Variants in B4GALNT3 observed in about 807,000 individuals in gnomAD.
B4GALNT3 encodes the protein beta-1,4-N-acetylgalactosaminyltransferase 3.
B4GALNT3 carries 86 observed loss-of-function variants against 120.2 expected under a neutral mutation model. That is an observed-to-expected ratio of 0.72 (90% CI 0.60 to 0.86). The LOEUF (loss-of-function observed/expected upper bound fraction) is 0.86. Ranked by LOEUF, B4GALNT3 falls within the 40% of genes least tolerant of loss-of-function variation. The pLI is 0.00. For synonymous variants in B4GALNT3, 518 were observed against 510.4 expected, an observed-to-expected ratio of 1.01 and a Z score of -0.20; for missense variants, 1,167 against 1,298.9, an observed-to-expected ratio of 0.90 and a Z score of 1.56.
Position 508,027 on chromosome 12 carries a change from C to A in B4GALNT3, c.170-27139C>A, listed in dbSNP as rs910024273. 7.2e-5 allele frequency among the ~76,000 whole-genome samples: 11 copies of A among 152,226 alleles called. No homozygotes were observed. The East Asian group carries it at 1.5e-3, about 21-fold the overall frequency. On this transcript the variant is annotated intron_variant, in intron 1 of 19. Transcript: ENST00000266383. ...TGCTTGAGTAGAGCGTTGATACTAACCTGTGAAAGAAATTTCTCATGATCA... is the reference window on the plus strand; with the variant it reads ...TGCTTGAGTAGAGCGTTGATACTAAACTGTGAAAGAAATTTCTCATGATCA...
intron 9 of B4GALNT3, 49 bp from the exon 10 acceptor site, chr12:549,720 T>C (rs2120713853): frequency 6.2e-7 from 1 of 1,611,314 alleles, no homozygotes; most frequent in East Asian, 2.2e-5. Flanking sequence ...AGTGGGCTGC[T>C]GCGCTCCAGG....
Position 536,305 on chromosome 12 carries a change from T to C in B4GALNT3, c.351+10T>C. On this transcript the variant is annotated intron_variant, in intron 3 of 19. Coordinates refer to ENST00000266383, the MANE Select transcript of B4GALNT3 (RefSeq NM_173593.4). Reference sequence around the variant, plus strand: ...CCCCTGGCTCTCAGAGGTGAGGGACTTTCTATTGTACCTGCCCTTTGAGAG... The same window carrying C: ...CCCCTGGCTCTCAGAGGTGAGGGACCTTCTATTGTACCTGCCCTTTGAGAG... 1 of 1,601,290 alleles carries C rather than the reference T, an allele frequency of 6.2e-7. No individual in the cohort carries two copies. Among genetic ancestry groups the C allele is most frequent in the Non-Finnish European group, 8.6e-7 (1 of 1,168,322 alleles).
At chr12:512,781 TCCTTCCACCTTCCG>T (rs1479390179) in intron 1 of B4GALNT3, among the ~76,000 whole-genome samples, 2 of 126,922 alleles carry the variant, frequency 1.6e-5, no homozygotes, top group Non-Finnish European at 3.3e-5. Flanking sequence ...CCTTCTGCCT[TCCTTCCACCTTCCG>T]CCTTCCACCT....
chr12:527,890 T>C (rs1449448081), intron 1 of B4GALNT3, among the ~76,000 whole-genome samples: 1 of 139,102 alleles, frequency 7.2e-6, no homozygotes, highest in East Asian at 2.1e-4. Flanking sequence ...GAGATGTTAG[T>C]CAAATGAGAG....
intron 1 of B4GALNT3, among the ~76,000 whole-genome samples, chr12:507,281 A>G (rs1156635417): frequency 6.6e-6 from 1 of 151,990 alleles, no homozygotes; most frequent in Non-Finnish European, 1.5e-5. Flanking sequence ...TCACATAACT[A>G]TATGTTTTGA....
At chr12:464,109 G>A (rs956000363) in intron 1 of B4GALNT3, among the ~76,000 whole-genome samples, 3 of 152,188 alleles carry the variant, frequency 2.0e-5, no homozygotes, top group African/African-American at 4.8e-5. Flanking sequence ...GGGTCCGGGT[G>A]GCAGTGGGAC....
chr12:559,487 G>A, intron 19 of B4GALNT3, 66 bp downstream of exon 19: 2 of 1,596,876 alleles, frequency 1.3e-6, no homozygotes, highest in Non-Finnish European at 1.7e-6. Context: ...CAGGGAGCCA[G>A]GCTACAGCAG....
intron 1 of B4GALNT3, among the ~76,000 whole-genome samples, chr12:499,852 G>A (rs575985527): frequency 6.6e-6 from 1 of 152,242 alleles, no homozygotes; most frequent in African/African-American, 2.4e-5. Context: ...AGAGAAACAA[G>A]AAATTGAGGG....
At chr12:526,568 T>C (rs1946760999) in intron 1 of B4GALNT3, among the ~76,000 whole-genome samples, 1 of 152,198 alleles carries the variant, frequency 6.6e-6, no homozygotes, top group Non-Finnish European at 1.5e-5. Flanking sequence ...ATCACCCCAT[T>C]GTATCAAGGG....
chr12:535,270 G>C lies in B4GALNT3; in HGVS notation c.273+1G>C, dbSNP rs1243850521. ...CCATCCCCAGAGGCTGAGCCTCGAG[G>C]TAGGTGACCAGCCAGTCCATTGTCC... On this transcript the variant is annotated splice_donor_variant, in intron 2 of 19. Coordinates refer to ENST00000266383, the MANE Select transcript of B4GALNT3 (RefSeq NM_173593.4). LOFTEE classifies it high-confidence loss of function. 6.2e-7 allele frequency: 1 copy of C among 1,612,854 alleles called. No homozygotes were observed. Among genetic ancestry groups the C allele is most frequent in the South Asian group, 1.1e-5 (1 of 91,018 alleles).
At chr12:535,346 G>A (rs1946847614) in intron 2 of B4GALNT3, 77 bp downstream of exon 2, 1 of 1,263,470 alleles carries the variant, frequency 7.9e-7, no homozygotes, top group Non-Finnish European at 1.1e-6. Flanking sequence ...GTTGCCTTAA[G>A]GGTAACCTCT....
intron 1 of B4GALNT3, among the ~76,000 whole-genome samples, chr12:475,738 C>A (rs79412606): frequency 0.019 from 2,944 of 152,286 alleles, 82 homozygotes; most frequent in South Asian, 0.096. Context: ...CTGAAACTTA[C>A]AATTGATCAC....
In B4GALNT3 at chr12:498,014, T is replaced by C. The variant is rs188029589; in HGVS notation, c.170-37152T>C. ...CACCCACAGCTTCCAAACCCACCCCTGATTTCCCATTCAGTGACTAAACAA... is the reference window on the plus strand; with the variant it reads ...CACCCACAGCTTCCAAACCCACCCCCGATTTCCCATTCAGTGACTAAACAA... On this transcript the variant is annotated intron_variant, in intron 1 of 19. Coordinates refer to ENST00000266383, the MANE Select transcript of B4GALNT3 (RefSeq NM_173593.4). Among the ~76,000 whole-genome samples, 16 of 151,822 alleles carry C rather than the reference T, an allele frequency of 1.1e-4. No individual in the cohort carries two copies. The East Asian group carries it at 2.9e-3, about 28-fold the overall frequency.
At chr12:495,366 T>C (rs1254278059) in intron 1 of B4GALNT3, among the ~76,000 whole-genome samples, 1 of 152,184 alleles carries the variant, frequency 6.6e-6, no homozygotes, top group Admixed American at 6.5e-5. Context: ...TGGGTCGTTC[T>C]TTTTCCCCTT....
chr12:536,307 T>C lies in B4GALNT3; in HGVS notation c.351+12T>C. ...CCTGGCTCTCAGAGGTGAGGGACTT[T>C]CTATTGTACCTGCCCTTTGAGAGAG... On this transcript the variant is annotated intron_variant, in intron 3 of 19. Transcript: ENST00000266383. The C allele has an allele frequency of 6.3e-7, 1 of 1,599,736 alleles. No homozygotes were observed. The highest frequency in any genetic ancestry group is 8.6e-7 in the Non-Finnish European group (1 of 1,166,894).
rs1307737462 is a variant in B4GALNT3, at chr12:559,435, G to A, written c.2888+14G>A. On this transcript the variant is annotated intron_variant, in intron 19 of 19. Coordinates refer to ENST00000266383, the MANE Select transcript of B4GALNT3 (RefSeq NM_173593.4). ...GCTGCTGGACAGGTGACTGGGAAGAGGAGGGCATCCACGAGGCCTGGGAAT... is the reference window on the plus strand; with the variant it reads ...GCTGCTGGACAGGTGACTGGGAAGAAGAGGGCATCCACGAGGCCTGGGAAT... 6.2e-7 allele frequency: 1 copy of A among 1,612,682 alleles called. No individual in the cohort carries two copies. The highest frequency in any genetic ancestry group is 8.5e-7 in the Non-Finnish European group (1 of 1,179,030).
intron 12 of B4GALNT3, 129 bp from the exon 13 acceptor site, chr12:552,338 C>CT: frequency 1.0e-6 from 1 of 956,110 alleles, no homozygotes; most frequent in African/African-American, 1.6e-5. Context: ...CACACACACC[C>CT]GCTCACCAGC....
At chr12:498,965 A>G (rs1017447010) in intron 1 of B4GALNT3, among the ~76,000 whole-genome samples, 2 of 152,208 alleles carry the variant, frequency 1.3e-5, no homozygotes, top group Non-Finnish European at 2.9e-5. Flanking sequence ...GGGAAATCCA[A>G]TGATGAATGG....
At chr12:465,664 C>T (rs1021047672) in intron 1 of B4GALNT3, among the ~76,000 whole-genome samples, 7 of 152,220 alleles carry the variant, frequency 4.6e-5, no homozygotes, top group Admixed American at 3.3e-4. Context: ...CGGCGAACCT[C>T]AGCAACACAT....
Sources: allele counts gnomAD v4.1 joint callset (sites outside exome capture counted in the v4.1 genomes callset), GRCh38; gene constraint gnomAD v4.1.1; transcripts MANE v1.5; gene names NCBI Gene and HGNC (gene_info 2026-07-23, HGNC 2026-07-21).